CADM2: variants seen among roughly 807,000 people sequenced by gnomAD.
CADM2 encodes cell adhesion molecule 2, also known as immunoglobulin superfamily member 4D.
CADM2 carries 12 observed loss-of-function variants against 49.8 expected under a neutral mutation model. The observed-to-expected ratio is 0.24, with a 90% CI of 0.15 to 0.39. The LOEUF is 0.39. CADM2 is among the 10% of genes least tolerant of loss of function. The probability of loss-of-function intolerance (pLI) is 1.00; values close to 1 mark genes in which losing one functional copy is unlikely to be tolerated. For synonymous variants in CADM2, 214 were observed against 175.4 expected (o/e 1.22, Z -1.74); for missense variants, 378 against 492.3 (o/e 0.77, Z 2.20).
intron 1 of CADM2, among the ~76,000 whole-genome samples, chr3:85,318,185 A>T (rs1011569180): frequency 6.7e-6 from 1 of 149,548 alleles, no homozygotes; most frequent in African/African-American, 2.5e-5. Flanking sequence ...AAAAAAAAAG[A>T]AAAAAAGAAA....
intron 8 of CADM2, among the ~76,000 whole-genome samples, chr3:86,058,570 C>G (rs1738261428): frequency 6.6e-6 from 1 of 152,058 alleles, no homozygotes; most frequent in Non-Finnish European, 1.5e-5. Flanking sequence ...GTGTCTTCCA[C>G]TTGAAAAATT....
intron 1 of CADM2, among the ~76,000 whole-genome samples, chr3:85,578,998 C>T (rs1304693827): frequency 5.9e-5 from 9 of 152,224 alleles, no homozygotes; most frequent in East Asian, 3.9e-4. Flanking sequence ...GGGTTGTTGA[C>T]GTCTTATAGC....
intron 1 of CADM2, among the ~76,000 whole-genome samples, chr3:85,346,148 G>A (rs1012925243): frequency 6.6e-6 from 1 of 152,146 alleles, no homozygotes; most frequent in African/African-American, 2.4e-5. Flanking sequence ...ATGGAAAACC[G>A]AACTTGTGTT....
intron 1 of CADM2, among the ~76,000 whole-genome samples, chr3:84,979,938 C>T (rs1227760783): frequency 2.0e-5 from 3 of 152,030 alleles, no homozygotes; most frequent in Admixed American, 2.0e-4. Flanking sequence ...AACCAGTTTG[C>T]ACATGTAACT....
chr3:85,470,960 C>T (rs541177910), intron 1 of CADM2, among the ~76,000 whole-genome samples: 1 of 152,230 alleles, frequency 6.6e-6, no homozygotes, highest in East Asian at 1.9e-4. Flanking sequence ...AAAATACAGG[C>T]AAATTCCACA....
At chr3:85,100,170 A>G (rs1056907824) in intron 1 of CADM2, among the ~76,000 whole-genome samples, 2 of 152,094 alleles carry the variant, frequency 1.3e-5, no homozygotes, top group African/African-American at 2.4e-5. Context: ...GATTTCTTGT[A>G]TTTCTTTATA....
At chr3:85,423,832 G>A (rs770154832) in intron 1 of CADM2, among the ~76,000 whole-genome samples, 2 of 151,988 alleles carry the variant, frequency 1.3e-5, no homozygotes, top group African/African-American at 2.4e-5. Context: ...CCATTTACTC[G>A]TGTCTACTTA....
intron 2 of CADM2, among the ~76,000 whole-genome samples, chr3:85,774,538 A>C (rs191762382): frequency 1.8e-3 from 278 of 151,778 alleles, no homozygotes; most frequent in Non-Finnish European, 3.2e-3. Context: ...CCTTTTTTGC[A>C]AAAATATTAT....
intron 1 of CADM2, among the ~76,000 whole-genome samples, chr3:85,106,092 A>T (rs994656492): frequency 1.3e-5 from 2 of 152,188 alleles, no homozygotes; most frequent in African/African-American, 4.8e-5. Context: ...CTTAAAGTAC[A>T]ATAAAATGAA....
intron 3 of CADM2, among the ~76,000 whole-genome samples, chr3:85,853,936 A>G (rs2075205396): frequency 6.6e-6 from 1 of 152,128 alleles, no homozygotes. Context: ...AGGTGTATAA[A>G]TATAAAAGAT....
intron 3 of CADM2, chr3:85,805,540 A>G (rs766907535): frequency 3.9e-5 from 6 of 151,996 alleles, no homozygotes; most frequent in Non-Finnish European, 5.9e-5. Context: ...GAGTGGTTCA[A>G]TTTCTATGTG....
At chr3:85,992,529 G>A (rs1728906012) in intron 8 of CADM2, 1 of 152,056 alleles carries the variant, frequency 6.6e-6, no homozygotes, top group African/African-American at 2.4e-5. Flanking sequence ...GGCATGCTTT[G>A]GAGATATCAT....
chr3:85,061,965 A>G (rs2036336529), intron 1 of CADM2, among the ~76,000 whole-genome samples: 1 of 151,612 alleles, frequency 6.6e-6, no homozygotes, highest in Non-Finnish European at 1.5e-5. Flanking sequence ...TTCAAGAAAT[A>G]TCAGTATCAG....
At position 85,541,775 on chromosome 3, in the gene CADM2, T is replaced by TATATATATATATATATA. The variant is rs1559897737; in HGVS notation, c.62-184747_62-184746insATATATATATATATATA. 2.7e-3 allele frequency among the ~76,000 whole-genome samples: 234 copies of TATATATATATATATATA among 88,292 alleles called. 6 individuals carry two copies. The highest frequency in any genetic ancestry group is 6.5e-3 in the African/African-American group (199 of 30,720). The allele number at this position is 88,292 out of a possible 152,430, so 57.9% of individuals were successfully genotyped here. A position where few individuals can be genotyped will look rare whatever the true frequency, so the allele number is the denominator to read the frequency against. On this transcript the variant is annotated intron_variant, in intron 1 of 9. Coordinates refer to ENST00000383699, the MANE Select transcript of CADM2 (RefSeq NM_001167675.2). ...ATATTTTATATATATATTTTATATT[T>TATATATATATATATATA]TATATATATATATATATATGTATAG...
chr3:85,384,888 A>C (rs1054521718), intron 1 of CADM2, among the ~76,000 whole-genome samples: 1 of 152,082 alleles, frequency 6.6e-6, no homozygotes, highest in East Asian at 1.9e-4. Flanking sequence ...AAATATATAA[A>C]TGTTTTCCTA....
intron 1 of CADM2, among the ~76,000 whole-genome samples, chr3:85,674,455 C>T (rs1043482513): frequency 6.6e-6 from 1 of 151,984 alleles, no homozygotes; most frequent in Non-Finnish European, 1.5e-5. Flanking sequence ...TCTAAGGTAT[C>T]TTGCAAAGAA....
intron 8 of CADM2, among the ~76,000 whole-genome samples, chr3:86,036,753 C>G (rs906244789): frequency 6.6e-6 from 1 of 152,132 alleles, no homozygotes; most frequent in Non-Finnish European, 1.5e-5. Flanking sequence ...TCAAAGGCTG[C>G]TGTGCAAATT....
At chr3:86,027,111 C>T (rs1400604197) in intron 8 of CADM2, among the ~76,000 whole-genome samples, 1 of 152,060 alleles carries the variant, frequency 6.6e-6, no homozygotes, top group African/African-American at 2.4e-5. Flanking sequence ...TAACAGGGTT[C>T]ATCATCATTT....
rs558349495 is a variant in CADM2, at chr3:85,385,852, T to A, written c.62-340670T>A. ...GCCTTAAGATTGTATAAATTGAACA[T>A]TCTCGCTTTGACATAAAATTGGATG... On this transcript the variant is annotated intron_variant, in intron 1 of 9. Coordinates refer to ENST00000383699, the MANE Select transcript of CADM2 (RefSeq NM_001167675.2). 2.1e-5 allele frequency: 3 copies of A among 145,404 alleles called. No homozygotes were observed. In the South Asian group the frequency reaches 6.5e-4, roughly 31 times the overall value. The allele number at this position is 145,404 out of a possible 1,614,324, so 9.0% of individuals were successfully genotyped here.
Sources: allele counts gnomAD v4.1 joint callset (sites outside exome capture counted in the v4.1 genomes callset), GRCh38; gene constraint gnomAD v4.1.1; transcripts MANE v1.5; gene names NCBI Gene and HGNC (gene_info 2026-07-23, HGNC 2026-07-21).